The following VPS13B variants were observed in gnomAD, a reference collection of about 807,000 sequenced individuals.
The protein encoded by VPS13B is vacuolar protein sorting 13 homolog B.
VPS13B carries 285 observed loss-of-function variants against 426.4 expected under a neutral mutation model. That is an observed-to-expected ratio of 0.67 (90% CI 0.61 to 0.74). The LOEUF (loss-of-function observed/expected upper bound fraction) is 0.74. VPS13B is among the 30% of genes least tolerant of loss of function. The pLI is 0.00. For synonymous variants in VPS13B, 1,676 were observed against 1,676.4 expected, an observed-to-expected ratio of 1.00 and a Z score of 0.01; for missense variants, 4,537 against 4,782.6, an observed-to-expected ratio of 0.95 and a Z score of 1.51.
intron 21 of VPS13B, among the ~76,000 whole-genome samples, chr8:99,405,119 A>T (rs1006993533): frequency 1.3e-5 from 2 of 152,112 alleles, no homozygotes; most frequent in African/African-American, 2.4e-5. Context: ...TTTCACACTG[A>T]TGATCTGCCT....
intron 17 of VPS13B, among the ~76,000 whole-genome samples, chr8:99,218,457 GA>G (rs1435944395): frequency 6.6e-6 from 1 of 152,204 alleles, no homozygotes; most frequent in East Asian, 1.9e-4. Flanking sequence ...TAGACTAAGA[GA>G]GGGTAAGGGA....
chr8:99,055,100 T>C (rs1406682983), intron 3 of VPS13B, among the ~76,000 whole-genome samples: 2 of 150,446 alleles, frequency 1.3e-5, no homozygotes, highest in African/African-American at 4.9e-5. Context: ...TGCAGTGGCA[T>C]GATCTCAGCT....
chr8:99,486,773 C>G (rs1002552647), intron 25 of VPS13B, among the ~76,000 whole-genome samples: 3 of 152,198 alleles, frequency 2.0e-5, no homozygotes, highest in Non-Finnish European at 4.4e-5. Context: ...CTTCTACATA[C>G]TCCCAAGGAC....
intron 35 of VPS13B, chr8:99,697,480 T>G (rs1464815611): frequency 2.7e-6 from 2 of 737,500 alleles, no homozygotes; most frequent in Non-Finnish European, 5.0e-6. Context: ...ATGCCTGCTC[T>G]AAGCTGAAGG....
chr8:99,568,373 C>T (rs1413269759), intron 31 of VPS13B, among the ~76,000 whole-genome samples: 1 of 151,508 alleles, frequency 6.6e-6, no homozygotes, highest in Admixed American at 6.6e-5. Flanking sequence ...TCACTGCAGC[C>T]TCTGCCTCCC....
At chr8:99,849,009 A>G in intron 55 of VPS13B, 115 bp downstream of exon 55, 1 of 980,924 alleles carries the variant, frequency 1.0e-6, no homozygotes, top group Non-Finnish European at 1.6e-6. Context: ...TTGGTTAATT[A>G]TCATGTAATC....
chr8:99,027,184 G>A (rs375531769), intron 2 of VPS13B, among the ~76,000 whole-genome samples: 2 of 152,050 alleles, frequency 1.3e-5, no homozygotes, highest in African/African-American at 4.8e-5. Context: ...GCCAGGTCTT[G>A]GTTTTGGTAA....
chr8:99,573,705 T>G (rs1357065042), intron 31 of VPS13B, among the ~76,000 whole-genome samples: 16 of 152,200 alleles, frequency 1.1e-4, no homozygotes, highest in Non-Finnish European at 1.9e-4. Flanking sequence ...TACTATAGCC[T>G]TGTAGTATAG....
At chr8:99,662,815 G>C (rs1193184259) in intron 35 of VPS13B, among the ~76,000 whole-genome samples, 4 of 152,188 alleles carry the variant, frequency 2.6e-5, no homozygotes, top group Admixed American at 2.6e-4. Flanking sequence ...GGGAGGCTAA[G>C]ATAGGCAGAT....
chr8:99,141,656 C>CA (rs781724934), intron 12 of VPS13B, among the ~76,000 whole-genome samples: 1 of 152,090 alleles, frequency 6.6e-6, no homozygotes. Flanking sequence ...TTTGATGTGA[C>CA]ATTGGGCTTA....
chr8:99,871,757 TG>T, intron 61 of VPS13B, 60 bp downstream of exon 61: 1 of 1,609,606 alleles, frequency 6.2e-7, no homozygotes, highest in Non-Finnish European at 8.5e-7. Flanking sequence ...AGGAGCAGGC[TG>T]GTCACTGGTA....
intron 19 of VPS13B, among the ~76,000 whole-genome samples, chr8:99,339,825 A>G (rs1486726908): frequency 6.6e-6 from 1 of 152,116 alleles, no homozygotes; most frequent in Non-Finnish European, 1.5e-5. Context: ...TCTCTATAAT[A>G]CTTTGAGACT....
intron 30 of VPS13B, among the ~76,000 whole-genome samples, chr8:99,544,469 TAAA>T (rs942729200): frequency 6.6e-6 from 1 of 151,890 alleles, no homozygotes; most frequent in African/African-American, 2.4e-5. Flanking sequence ...ATAATAATAA[TAAA>T]AAAAATTCAG....
intron 19 of VPS13B, among the ~76,000 whole-genome samples, chr8:99,312,549 G>A (rs563348809): frequency 9.8e-5 from 15 of 152,312 alleles, no homozygotes; most frequent in East Asian, 3.9e-4. Flanking sequence ...CTGTTGGTCC[G>A]ATGGGCTTCC....
At chr8:99,329,798 CA>C (rs1309832838) in intron 19 of VPS13B, among the ~76,000 whole-genome samples, 1 of 151,992 alleles carries the variant, frequency 6.6e-6, no homozygotes, top group African/African-American at 2.4e-5. Context: ...GTGAATCTAA[CA>C]GCAAATAAAA....
At chr8:99,860,181 T>C (rs1007339043) in intron 57 of VPS13B, among the ~76,000 whole-genome samples, 4 of 152,138 alleles carry the variant, frequency 2.6e-5, no homozygotes, top group African/African-American at 9.7e-5. Flanking sequence ...CTATAGGCCA[T>C]AGGACAGGTC....
chr8:99,783,277 G>A (rs1002031252), intron 42 of VPS13B, among the ~76,000 whole-genome samples: 3 of 152,152 alleles, frequency 2.0e-5, no homozygotes, highest in Admixed American at 2.0e-4. Flanking sequence ...GATGGAGTGT[G>A]ACATTTTGAC....
chr8:99,406,068 A>G (rs905433742), intron 21 of VPS13B, among the ~76,000 whole-genome samples: 4 of 152,086 alleles, frequency 2.6e-5, no homozygotes, highest in Admixed American at 2.6e-4. Flanking sequence ...GTGAGCCACC[A>G]TGCCCAGCCG....
rs553310771 is a variant in VPS13B at position 99,866,700 on chromosome 8, C to T, written c.11216-1589C>T. On this transcript the variant is annotated intron_variant, in intron 58 of 61. Coordinates refer to ENST00000357162, the MANE Select transcript of VPS13B (RefSeq NM_152564.5). ...GTGACCGCAGCTGGCCCAGGCCCCA[C>T]TCTTTGATTTGATGCTGTTCACTTT... Among the ~76,000 whole-genome samples, 5 of 152,372 alleles carry T rather than the reference C, an allele frequency of 3.3e-5. No homozygotes were observed. The South Asian group carries it at 1.0e-3, about 32-fold the overall frequency.
Sources: allele counts gnomAD v4.1 joint callset (sites outside exome capture counted in the v4.1 genomes callset), GRCh38; gene constraint gnomAD v4.1.1; transcripts MANE v1.5; gene names NCBI Gene and HGNC (gene_info 2026-07-23, HGNC 2026-07-21).